THEMIS: variants seen among roughly 807,000 people sequenced by gnomAD.
THEMIS encodes the protein protein THEMIS.
Under a neutral mutation model 52.6 loss-of-function variants are expected in THEMIS, and 37 were observed. That is an observed-to-expected ratio of 0.70 (90% CI 0.54 to 0.93). The LOEUF is 0.93. THEMIS is among the 40% of genes least tolerant of loss of function. The probability of loss-of-function intolerance (pLI) is 0.00; values close to 1 mark genes in which losing one functional copy is unlikely to be tolerated. For synonymous variants in THEMIS, 292 were observed against 272.7 expected (o/e 1.07, Z -0.70); for missense variants, 808 against 763.1 (o/e 1.06, Z -0.69).
At chr6:127,728,083 T>G (rs916034859) in intron 4 of THEMIS, among the ~76,000 whole-genome samples, 1 of 152,108 alleles carries the variant, frequency 6.6e-6, no homozygotes, top group Non-Finnish European at 1.5e-5. Flanking sequence ...GCTTTCCCTC[T>G]CCAAACATGA....
intron 2 of THEMIS, among the ~76,000 whole-genome samples, chr6:127,846,596 G>A (rs1037118604): frequency 4.6e-5 from 7 of 151,732 alleles, no homozygotes; most frequent in Non-Finnish European, 8.8e-5. Flanking sequence ...ACAAAGAAAT[G>A]GAAACCATGA....
chr6:127,750,937 T>C (rs1235193406), intron 4 of THEMIS, among the ~76,000 whole-genome samples: 1 of 151,740 alleles, frequency 6.6e-6, no homozygotes, highest in African/African-American at 2.4e-5. Flanking sequence ...AGAGATCTTA[T>C]CATCTCTCGA....
intron 4 of THEMIS, among the ~76,000 whole-genome samples, chr6:127,734,896 A>AATATATATAT (rs1295073194): frequency 7.6e-5 from 5 of 65,424 alleles, no homozygotes; most frequent in African/African-American, 1.6e-4. Flanking sequence ...AAAAAAAAAA[A>AATATATATAT]ATATATATAT....
intron 1 of THEMIS, among the ~76,000 whole-genome samples, chr6:127,891,060 T>C (rs1242816306): frequency 1.3e-5 from 2 of 152,140 alleles, no homozygotes; most frequent in African/African-American, 2.4e-5. Context: ...GTAATAGATA[T>C]TTATATTTAA....
intron 3 of THEMIS, among the ~76,000 whole-genome samples, chr6:127,825,675 A>G (rs891121647): frequency 6.6e-6 from 1 of 152,176 alleles, no homozygotes; most frequent in Admixed American, 6.5e-5. Flanking sequence ...GGCAGCACCT[A>G]TGCAGTTGGT....
Position 127,813,570 on chromosome 6 carries a change from G to T in THEMIS, c.1071C>A (p.Ile357=), listed in dbSNP as rs146173025. ...REFPTAYDLE[I]AKSEKEPLHV... ...GAAGAGGCTCCTTTTCACTCTTAGC[G>T]ATCTCTAGGTCATAGGCCGTTGGGA... Residue 357 remains isoleucine, a synonymous_variant, in exon 4 of 6, where the codon ATC becomes ATA. Transcript: ENST00000368248. 48 of 1,613,654 alleles carry T rather than the reference G, an allele frequency of 3.0e-5. No individual in the cohort carries two copies. Among genetic ancestry groups the T allele is most frequent in the Non-Finnish European group, 4.0e-5 (47 of 1,179,924 alleles).
At chr6:127,802,646 T>TA (rs1463598075) in intron 4 of THEMIS, among the ~76,000 whole-genome samples, 1 of 152,176 alleles carries the variant, frequency 6.6e-6, no homozygotes, top group Non-Finnish European at 1.5e-5. Flanking sequence ...ATTTGAGTTA[T>TA]AAAAAATAGA....
intron 1 of THEMIS, among the ~76,000 whole-genome samples, chr6:127,864,007 C>A (rs1213023626): frequency 2.0e-5 from 3 of 152,086 alleles, no homozygotes; most frequent in Non-Finnish European, 4.4e-5. Flanking sequence ...ATTATTTCCC[C>A]AGGAAAGAAA....
intron 4 of THEMIS, among the ~76,000 whole-genome samples, chr6:127,803,902 C>T (rs1254040258): frequency 6.6e-6 from 1 of 152,160 alleles, no homozygotes; most frequent in Non-Finnish European, 1.5e-5. Flanking sequence ...CATAGTGATA[C>T]AGCTAGCATC....
intron 4 of THEMIS, among the ~76,000 whole-genome samples, chr6:127,725,841 A>G (rs930896222): frequency 2.0e-5 from 3 of 152,028 alleles, no homozygotes; most frequent in African/African-American, 7.2e-5. Flanking sequence ...TTGCAGCCTT[A>G]CGTTGTTTAC....
At chr6:127,812,806 C>G in intron 4 of THEMIS, 77 bp downstream of exon 4, 1 of 1,418,224 alleles carries the variant, frequency 7.1e-7, no homozygotes, top group African/African-American at 1.4e-5. Flanking sequence ...GTAAGCAAAA[C>G]ACACTCAGAA....
At chr6:127,725,422 GT>G (rs1774506323) in intron 4 of THEMIS, among the ~76,000 whole-genome samples, 1 of 151,528 alleles carries the variant, frequency 6.6e-6, no homozygotes, top group Non-Finnish European at 1.5e-5. Flanking sequence ...TATGTAATCT[GT>G]CTCCTACTGT....
intron 1 of THEMIS, among the ~76,000 whole-genome samples, chr6:127,881,179 T>A (rs1780474712): frequency 6.6e-6 from 1 of 152,104 alleles, no homozygotes; most frequent in South Asian, 2.1e-4. Flanking sequence ...ACCAGTATCA[T>A]AATATACAAA....
intron 1 of THEMIS, among the ~76,000 whole-genome samples, chr6:127,896,237 A>G (rs1780963798): frequency 1.3e-5 from 2 of 151,420 alleles, no homozygotes; most frequent in African/African-American, 2.4e-5. Flanking sequence ...TCTTTTTTTT[A>G]TCATTACCTC....
intron 4 of THEMIS, among the ~76,000 whole-genome samples, chr6:127,799,999 A>G (rs1051206671): frequency 2.0e-5 from 3 of 152,196 alleles, no homozygotes; most frequent in Non-Finnish European, 4.4e-5. Context: ...AAAATCACAA[A>G]CGTTCTTCAT....
intron 4 of THEMIS, among the ~76,000 whole-genome samples, chr6:127,801,770 C>T (rs1417678273): frequency 6.6e-6 from 1 of 152,132 alleles, no homozygotes; most frequent in African/African-American, 2.4e-5. Flanking sequence ...GGAGCCACCC[C>T]CAACACCCCT....
chr6:127,876,395 G>T (rs1780314555), intron 1 of THEMIS, among the ~76,000 whole-genome samples: 1 of 152,170 alleles, frequency 6.6e-6, no homozygotes, highest in Non-Finnish European at 1.5e-5. Context: ...GAAGCAAAGA[G>T]TTCAGTTCTT....
rs893064104 is a variant in THEMIS, at chr6:127,826,679, T to A, written c.709+2797A>T. 1.5e-4 allele frequency among the ~76,000 whole-genome samples: 23 copies of A among 152,266 alleles called. No homozygotes were observed. The East Asian group carries it at 1.5e-3, about 10-fold the overall frequency. On this transcript the variant is annotated intron_variant, in intron 3 of 5. Coordinates refer to ENST00000368248, the MANE Select transcript of THEMIS (RefSeq NM_001010923.3). ...AGGCAAATATAAATAGCTCACTCAA[T>A]TTTTTCATTTGCAAATATTATGTAT...
intron 1 of THEMIS, among the ~76,000 whole-genome samples, chr6:127,888,666 T>C (rs1288668600): frequency 6.6e-6 from 1 of 152,072 alleles, no homozygotes; most frequent in Non-Finnish European, 1.5e-5. Flanking sequence ...AATATCCAGC[T>C]CTTCAAAAGA....
Sources: gnomAD v4.1 joint callset for allele counts (sites outside exome capture counted in the v4.1 genomes callset) on GRCh38, gnomAD v4.1.1 for gene constraint, MANE v1.5 for transcripts, NCBI Gene and HGNC (gene_info 2026-07-23, HGNC 2026-07-21) for gene names.